NTRK2: variants seen among roughly 807,000 people sequenced by gnomAD.
The protein encoded by NTRK2 is BDNF/NT-3 growth factors receptor.
Under a neutral mutation model 94.5 loss-of-function variants are expected in NTRK2, and 13 were observed. That is an observed-to-expected ratio of 0.14 (90% confidence interval 0.09 to 0.22). The LOEUF (loss-of-function observed/expected upper bound fraction) is 0.22. NTRK2 is among the 10% of genes least tolerant of loss of function. NTRK2 has a pLI of 1.00. For missense variants in NTRK2, 639 were observed against 1,071.2 expected (o/e 0.60, Z 5.63); for synonymous variants, 372 against 407.4 (o/e 0.91, Z 1.05).
At chr9:84,860,939 CG>C (rs1208214242) in intron 12 of NTRK2, 100 bp from the exon 13 acceptor site, 4 of 537,744 alleles carry the variant, frequency 7.4e-6, no homozygotes, top group Admixed American at 3.2e-5. Context: ...TTATTTTTGT[CG>C]GGGGGAGTTT....
rs796686464 is a variant in NTRK2, at chr9:84,763,458, G to GT, written c.1396+11383dup. 5.0e-3 allele frequency among the ~76,000 whole-genome samples: 737 copies of GT among 147,862 alleles called. 8 individuals are homozygous for GT. Among genetic ancestry groups the GT allele is most frequent in the African/African-American group, 0.017 (670 of 40,526 alleles). ...CTTTTCATCATATATGTGGATCTTG[G>GT]TTTTTTTTTTCCCTCCAGCTTTTTA... is the stretch of plus-strand genomic sequence containing the variant. On this transcript the variant is annotated intron_variant, in intron 12 of 18. Coordinates refer to ENST00000277120, the MANE Select transcript of NTRK2 (RefSeq NM_006180.6).
chr9:84,675,197 C>G (rs945864640), intron 2 of NTRK2, among the ~76,000 whole-genome samples: 1 of 152,020 alleles, frequency 6.6e-6, no homozygotes, highest in African/African-American at 2.4e-5. Context: ...GTCTCTTTCT[C>G]CCTAGTAATA....
In NTRK2 at chr9:84,849,423, A is replaced by G. The variant is rs549212891; in HGVS notation, c.1397-11617A>G. ...GGGGGAGTCCAATTATCTTCTGGGC[A>G]AGGAAGGAGAGGCAAGAAGAGCAAC... On this transcript the variant is annotated intron_variant, in intron 12 of 18. Transcript: ENST00000277120. Among the ~76,000 whole-genome samples, 23 of 152,304 alleles carry G rather than the reference A, an allele frequency of 1.5e-4. No homozygotes were observed. In the South Asian group the frequency reaches 3.7e-3, roughly 25 times the overall value.
rs190698129 is a variant in NTRK2 at position 84,983,526 on chromosome 9, C to T, written c.2172+28009C>T. On this transcript the variant is annotated intron_variant, in intron 17 of 18. Coordinates refer to ENST00000277120, the MANE Select transcript of NTRK2 (RefSeq NM_006180.6). ...TAAGGTTGATTAAATTTTTATTTCCCTAGGACCACTTAGAAAATAAGTACA... is the reference window on the plus strand; with the variant it reads ...TAAGGTTGATTAAATTTTTATTTCCTTAGGACCACTTAGAAAATAAGTACA... Among the ~76,000 whole-genome samples the T allele has an allele frequency of 2.2e-4, 33 of 152,254 alleles. No homozygotes were observed. In the East Asian group the frequency reaches 6.0e-3, roughly 28 times the overall value.
intron 10 of NTRK2, among the ~76,000 whole-genome samples, chr9:84,743,768 G>C (rs181545992): frequency 1.3e-5 from 2 of 152,162 alleles, no homozygotes; most frequent in African/African-American, 4.8e-5. Context: ...TTTTGCAGAC[G>C]TAGTTGGCTA....
intron 12 of NTRK2, among the ~76,000 whole-genome samples, chr9:84,781,899 G>A (rs1010410654): frequency 6.6e-6 from 1 of 152,126 alleles, no homozygotes; most frequent in African/African-American, 2.4e-5. Flanking sequence ...CTCTTAGCTA[G>A]TAAAGTCATT....
intron 16 of NTRK2, among the ~76,000 whole-genome samples, chr9:84,954,791 G>A (rs1376637640): frequency 6.6e-6 from 1 of 152,184 alleles, no homozygotes; most frequent in Non-Finnish European, 1.5e-5. Flanking sequence ...CAGCTTGGTT[G>A]GGGGATACTC....
intron 14 of NTRK2, among the ~76,000 whole-genome samples, chr9:84,868,980 G>A (rs908643555): frequency 6.6e-6 from 1 of 152,124 alleles, no homozygotes; most frequent in Non-Finnish European, 1.5e-5. Context: ...TGTGGAGGGA[G>A]GAAAGATAAA....
chr9:84,927,150 A>T (rs1317738745), intron 14 of NTRK2, among the ~76,000 whole-genome samples: 1 of 152,170 alleles, frequency 6.6e-6, no homozygotes, highest in African/African-American at 2.4e-5. Context: ...TTTGTAAATT[A>T]TTGTGTTTTC....
At chr9:84,725,691 A>G (rs2062403777) in intron 8 of NTRK2, among the ~76,000 whole-genome samples, 1 of 149,216 alleles carries the variant, frequency 6.7e-6, no homozygotes, top group Non-Finnish European at 1.5e-5. Context: ...TGTATAATAT[A>G]TATAGGGTCT....
intron 17 of NTRK2, among the ~76,000 whole-genome samples, chr9:84,999,591 A>G (rs1830120625): frequency 6.6e-6 from 1 of 152,260 alleles, no homozygotes; most frequent in African/African-American, 2.4e-5. Context: ...AAAACTAGAA[A>G]AAGTCTGAGT....
intron 14 of NTRK2, among the ~76,000 whole-genome samples, chr9:84,883,264 G>A (rs2076318641): frequency 6.6e-6 from 1 of 152,226 alleles, no homozygotes; most frequent in African/African-American, 2.4e-5. Context: ...CCATGAAGCT[G>A]GGTAAGGTGA....
At chr9:84,729,859 A>G (rs571640405) in intron 9 of NTRK2, among the ~76,000 whole-genome samples, 1 of 152,162 alleles carries the variant, frequency 6.6e-6, no homozygotes, top group Non-Finnish European at 1.5e-5. Context: ...TGTTTTGGAA[A>G]GGATTTTGAT....
intron 13 of NTRK2, among the ~76,000 whole-genome samples, chr9:84,865,519 A>C (rs2075550244): frequency 6.6e-6 from 1 of 152,212 alleles, no homozygotes; most frequent in Non-Finnish European, 1.5e-5. Flanking sequence ...TAGGGGATTC[A>C]AGACTGGATG....
At chr9:84,737,298 C>T (rs1440748908) in intron 9 of NTRK2, among the ~76,000 whole-genome samples, 1 of 152,060 alleles carries the variant, frequency 6.6e-6, no homozygotes, top group Non-Finnish European at 1.5e-5. Flanking sequence ...CCTGTTTTTC[C>T]TTTAACTATA....
intron 12 of NTRK2, among the ~76,000 whole-genome samples, chr9:84,849,891 T>C (rs2074670664): frequency 6.6e-6 from 1 of 152,220 alleles, no homozygotes; most frequent in South Asian, 2.1e-4. Context: ...GTACCTACCA[T>C]GTGGGAAGTG....
chr9:84,810,869 A>T, intron 12 of NTRK2: 1 of 1,260,790 alleles, frequency 7.9e-7, no homozygotes, highest in Non-Finnish European at 1.0e-6. Flanking sequence ...CAAATACAAA[A>T]CTGAAATGAA....
Position 84,702,376 on chromosome 9 carries a change from G to C in NTRK2, c.316G>C (p.Val106Leu). The C allele has an allele frequency of 3.1e-6, 5 of 1,614,188 alleles. No individual in the cohort carries two copies. The highest frequency in any genetic ancestry group is 4.2e-6 in the Non-Finnish European group (5 of 1,180,022). ...AATTGTGGATTCTGGATTAAAATTT[G>C]TGGCTCATAAAGCATTTCTGAAAAA... The part of the protein sequence containing the change: ...LTIVDSGLKF[V>L]AHKAFLKNSN... The change falls in exon 4 of 19, where the codon GTG becomes CTG. Residue 106 changes from valine (V) to leucine (L), a missense_variant. Val to Leu is a conservative substitution (Grantham distance 32). Coordinates refer to ENST00000277120, the MANE Select transcript of NTRK2 (RefSeq NM_006180.6).
chr9:84,811,162 A>G, intron 12 of NTRK2: 2 of 1,062,204 alleles, frequency 1.9e-6, no homozygotes, highest in Non-Finnish European at 2.3e-6. Flanking sequence ...TCACTTTGGG[A>G]CTTGGTAGTA....
Sources: gnomAD v4.1 joint callset for allele counts (sites outside exome capture counted in the v4.1 genomes callset) on GRCh38, gnomAD v4.1.1 for gene constraint, MANE v1.5 for transcripts, NCBI Gene and HGNC (gene_info 2026-07-23, HGNC 2026-07-21) for gene names.